The following NXPE1 variants were observed in gnomAD, a reference collection of about 807,000 sequenced individuals.
NXPE1 encodes the protein NXPE family member 1.
NXPE1 carries 31 observed loss-of-function variants against 33.3 expected under a neutral mutation model. The observed-to-expected ratio is 0.93, with a 90% CI of 0.70 to 1.26. The LOEUF (loss-of-function observed/expected upper bound fraction) is 1.26, where lower values mean the gene tolerates loss of function less well. Ranked by LOEUF, NXPE1 falls within the 50% of genes most tolerant of loss-of-function variation. The probability of loss-of-function intolerance (pLI) is 0.00; values close to 1 mark genes in which losing one functional copy is unlikely to be tolerated. For missense variants in NXPE1, 661 were observed against 655.6 expected, an observed-to-expected ratio of 1.01 and a Z score of -0.09; for synonymous variants, 229 against 231.4, an observed-to-expected ratio of 0.99 and a Z score of 0.09.
intron 5 of NXPE1, among the ~76,000 whole-genome samples, chr11:114,537,966 G>T (rs535089674): frequency 1.3e-5 from 2 of 152,198 alleles, no homozygotes; most frequent in East Asian, 3.9e-4. Flanking sequence ...AGCCCACATT[G>T]CCAAGTCAAT....
chr11:114,551,204 C>T (rs577015819), exon 5 of NXPE1: 21 of 1,521,072 alleles, frequency 1.4e-5, no homozygotes, highest in East Asian at 9.8e-5. Flanking sequence ...GAGGACATGA[C>T]GAATGTCCTA....
At chr11:114,534,030 C>T (rs1052971178) in intron 5 of NXPE1, among the ~76,000 whole-genome samples, 17 of 152,186 alleles carry the variant, frequency 1.1e-4, no homozygotes, top group Non-Finnish European at 1.8e-4. Flanking sequence ...CTGGGAGGCA[C>T]CCCCCAGTAG....
chr11:114,540,953 C>T (rs1465158066), intron 5 of NXPE1, among the ~76,000 whole-genome samples: 1 of 131,554 alleles, frequency 7.6e-6, no homozygotes, highest in African/African-American at 2.8e-5. Flanking sequence ...AATCCCAGAA[C>T]AGAGGCAGAG....
Position 114,522,427 on chromosome 11 carries a change from C to A in NXPE1, c.1185G>T (p.Gln395His), listed in dbSNP as rs778670152. Residue 395 changes from glutamine to histidine, a missense_variant, in exon 9 of 9, where the codon CAG (glutamine) becomes CAT (histidine). By Grantham distance (24) the Gln-to-His change is conservative (BLOSUM62 0). Transcript: ENST00000534921. ...GATAGCTATGTTTTTTCCATTGAAT[C>A]TGAGTGTGTCTTTCTGCATCCAGAA... is the stretch of plus-strand genomic sequence containing the variant. The A allele has an allele frequency of 3.1e-6, 5 of 1,613,924 alleles. No individual in the cohort carries two copies. In the East Asian group the frequency reaches 8.9e-5, roughly 29 times the overall value.
intron 1 of NXPE1, chr11:114,553,890 C>T (rs904611080): frequency 1.0e-6 from 1 of 976,524 alleles, no homozygotes; most frequent in Non-Finnish European, 1.2e-6. Context: ...ACATTTAGAT[C>T]GTGGAAGTCA....
chr11:114,554,576 AT>A (rs1189514213), intron 1 of NXPE1, among the ~76,000 whole-genome samples: 9 of 152,218 alleles, frequency 5.9e-5, no homozygotes, highest in Admixed American at 1.3e-4. Flanking sequence ...GTCAAATAGC[AT>A]TTTTTAATTA....
At chr11:114,530,330 T>A (rs1372205921) in exon 6 of NXPE1, 7 of 1,614,078 alleles carry the variant, frequency 4.3e-6, no homozygotes, top group Non-Finnish European at 5.9e-6. Flanking sequence ...GTTCAGCATT[T>A]GAGTTTAGGG....
chr11:114,522,373 C>G (rs1180943050), exon 9 of NXPE1: 1 of 1,614,086 alleles, frequency 6.2e-7, no homozygotes, highest in African/African-American at 1.3e-5. Flanking sequence ...CATGATCTAT[C>G]AGAGAGTAGA....
At chr11:114,550,566 G>A (rs73016108) in intron 5 of NXPE1, among the ~76,000 whole-genome samples, 13 of 152,156 alleles carry the variant, frequency 8.5e-5, no homozygotes, top group Non-Finnish European at 1.5e-4. Flanking sequence ...TTTCAACAGC[G>A]TAAATTCCAA....
intron 5 of NXPE1, among the ~76,000 whole-genome samples, chr11:114,535,870 C>G (rs1284103679): frequency 6.6e-6 from 1 of 152,114 alleles, no homozygotes; most frequent in Non-Finnish European, 1.5e-5. Context: ...TTAGACAGAT[C>G]AACGAGACAG....
chr11:114,533,265 CT>C (rs1244608393), intron 5 of NXPE1, among the ~76,000 whole-genome samples: 2 of 152,152 alleles, frequency 1.3e-5, no homozygotes, highest in East Asian at 3.9e-4. Context: ...AACTCACAAA[CT>C]CAAAAGCATT....
intron 5 of NXPE1, among the ~76,000 whole-genome samples, chr11:114,540,050 C>T (rs1000455453): frequency 6.6e-6 from 1 of 152,030 alleles, no homozygotes; most frequent in Non-Finnish European, 1.5e-5. Context: ...TAAATAAGAC[C>T]TCCAAAGCGA....
At chr11:114,551,042 A>G (rs1948464563) in intron 5 of NXPE1, 61 bp downstream of exon 5, 2 of 876,196 alleles carry the variant, frequency 2.3e-6, no homozygotes, top group Non-Finnish European at 3.6e-6. Context: ...GACTGACTTG[A>G]GGCACGTCAC....
At chr11:114,519,626 A>C (rs1401380421), downstream of NXPE1, among the ~76,000 whole-genome samples, 1 of 152,054 alleles carries the variant, frequency 6.6e-6, no homozygotes, top group Non-Finnish European at 1.5e-5. Context: ...GGTGATTGGG[A>C]GTTTGACAGG....
intron 5 of NXPE1, among the ~76,000 whole-genome samples, chr11:114,537,060 C>T (rs1947857266): frequency 6.6e-6 from 1 of 152,154 alleles, no homozygotes; most frequent in Admixed American, 6.5e-5. Context: ...AATCCAGCAA[C>T]ACATCAAAAA....
At chr11:114,553,862 A>C in intron 1 of NXPE1, 1 of 960,920 alleles carries the variant, frequency 1.0e-6, no homozygotes, top group Non-Finnish European at 1.2e-6. Flanking sequence ...TGGTAGCTTG[A>C]AATAGGCCAT....
chr11:114,527,870 G>T (rs754269717), exon 7 of NXPE1: 1 of 1,606,496 alleles, frequency 6.2e-7, no homozygotes, highest in Non-Finnish European at 8.5e-7. Flanking sequence ...ATGTGTTTAC[G>T]ATCCTTCATC....
intron 1 of NXPE1, among the ~76,000 whole-genome samples, chr11:114,555,615 C>G (rs1425978227): frequency 3.3e-5 from 5 of 152,182 alleles, no homozygotes; most frequent in Non-Finnish European, 7.3e-5. Flanking sequence ...TAGAATATTA[C>G]CACCACCCCA....
intron 5 of NXPE1, among the ~76,000 whole-genome samples, chr11:114,534,413 C>T (rs1029446076): frequency 5.3e-5 from 8 of 152,182 alleles, no homozygotes; most frequent in Non-Finnish European, 8.8e-5. Flanking sequence ...TCCTCACCAG[C>T]AACAGAACAA....
Sources: gnomAD v4.1 joint callset for allele counts (sites outside exome capture counted in the v4.1 genomes callset) on GRCh38, gnomAD v4.1.1 for gene constraint, MANE v1.5 for transcripts, NCBI Gene and HGNC (gene_info 2026-07-23, HGNC 2026-07-21) for gene names.